The following RCSD1 variants were observed in gnomAD, a reference collection of about 807,000 sequenced individuals.
The protein encoded by RCSD1 is capZ-interacting protein.
A neutral mutation model predicts 42.5 loss-of-function variants in RCSD1; 26 were observed. The observed-to-expected ratio is 0.61, with a 90% CI of 0.45 to 0.85. The LOEUF (loss-of-function observed/expected upper bound fraction) is 0.85, where lower values mean the gene tolerates loss of function less well. RCSD1 is among the 40% of genes least tolerant of loss of function. RCSD1 has a pLI of 0.00. For synonymous variants in RCSD1, 220 were observed against 212.2 expected (o/e 1.04, Z -0.32); for missense variants, 571 against 528.3 (o/e 1.08, Z -0.79).
Position 167,697,607 on chromosome 1 carries a change from G to A in RCSD1, c.983G>A (p.Gly328Glu). ...KGERVQNEEV[G>E]PEHDSQETKK... The stretch of plus-strand genomic sequence containing the variant: ...GAGAGGGTGCAAAATGAAGAGGTGG[G>A]ACCTGAACATGACAGCCAAGAAACA... Residue 328 changes from glycine (G) to glutamate (E), a missense_variant, in exon 6 of 7, where the codon GGA becomes GAA. Transcript: ENST00000367854. 1 of 1,607,700 alleles carries A rather than the reference G, an allele frequency of 6.2e-7. No individual in the cohort carries two copies. Among genetic ancestry groups the A allele is most frequent in the Non-Finnish European group, 8.5e-7 (1 of 1,177,226 alleles).
chr1:167,644,621 G>C (rs1202478169), intron 1 of RCSD1, among the ~76,000 whole-genome samples: 1 of 152,174 alleles, frequency 6.6e-6, no homozygotes, highest in East Asian at 1.9e-4. Flanking sequence ...CGAGGAGGTA[G>C]GAAATGGGAA....
chr1:167,702,272 C>A (rs138874426), intron 6 of RCSD1, among the ~76,000 whole-genome samples: 2 of 152,174 alleles, frequency 1.3e-5, no homozygotes, highest in Admixed American at 6.5e-5. Flanking sequence ...AGGCATCAGA[C>A]GTGTGAAAGC....
At chr1:167,669,899 G>A (rs1220775740) in intron 1 of RCSD1, among the ~76,000 whole-genome samples, 1 of 152,158 alleles carries the variant, frequency 6.6e-6, no homozygotes, top group African/African-American at 2.4e-5. Flanking sequence ...ACCGGGGGCT[G>A]GGTCCTTAGG....
intron 1 of RCSD1, among the ~76,000 whole-genome samples, chr1:167,634,330 AG>A (rs1657776864): frequency 6.6e-6 from 1 of 152,194 alleles, no homozygotes; most frequent in South Asian, 2.1e-4. Context: ...ATGGGCACCA[AG>A]AAAGGCTTGT....
At chr1:167,684,623 T>G (rs1353974126) in intron 2 of RCSD1, among the ~76,000 whole-genome samples, 2 of 151,930 alleles carry the variant, frequency 1.3e-5, no homozygotes, top group African/African-American at 4.8e-5. Flanking sequence ...GCCTGTAATT[T>G]CAGCACTTTG....
intron 1 of RCSD1, among the ~76,000 whole-genome samples, chr1:167,631,386 A>C (rs1055970684): frequency 6.6e-6 from 1 of 152,256 alleles, no homozygotes; most frequent in Non-Finnish European, 1.5e-5. Flanking sequence ...AAAAGGAAAC[A>C]TGTGTTGCTC....
At chr1:167,659,734 C>A (rs1035908643) in intron 1 of RCSD1, among the ~76,000 whole-genome samples, 1 of 152,092 alleles carries the variant, frequency 6.6e-6, no homozygotes, top group Non-Finnish European at 1.5e-5. Flanking sequence ...CCCTTGTCAG[C>A]CCCCTCCCCC....
In RCSD1 at chr1:167,694,210, C is replaced by A. The variant is rs201288650; in HGVS notation, c.382C>A (p.Pro128Thr). The A allele has an allele frequency of 3.5e-5, 57 of 1,614,204 alleles. No homozygotes were observed. In the East Asian group the frequency reaches 1.2e-3, roughly 35 times the overall value. ...FHSPPSTPSS[P>T]GVRSRPSEAE... ...CAGCCCACCTTCTACCCCCAGCAGC[C>A]CTGGTGTGCGATCTAGGCCCAGCGA... Residue 128 changes from proline (P) to threonine (T), a missense_variant, in exon 5 of 7, where the codon CCT becomes ACT. By Grantham distance (38) the Pro-to-Thr change is conservative. Transcript: ENST00000367854.
intron 1 of RCSD1, among the ~76,000 whole-genome samples, chr1:167,681,054 G>A (rs1184007275): frequency 6.6e-6 from 1 of 152,262 alleles, no homozygotes. Flanking sequence ...ATCCAGGCAA[G>A]GCATCAAACA....
chr1:167,696,729 T>A (rs1025727761), intron 5 of RCSD1, among the ~76,000 whole-genome samples: 2 of 152,144 alleles, frequency 1.3e-5, no homozygotes, highest in Non-Finnish European at 2.9e-5. Flanking sequence ...CTGGATTACA[T>A]GTGTGAGCCA....
intron 1 of RCSD1, among the ~76,000 whole-genome samples, chr1:167,652,203 G>A (rs1403484424): frequency 1.3e-5 from 2 of 151,964 alleles, no homozygotes; most frequent in South Asian, 4.1e-4. Context: ...TGTATTTTTA[G>A]TAGAGACGGG....
At chr1:167,696,418 T>G (rs1370981364) in intron 5 of RCSD1, among the ~76,000 whole-genome samples, 1 of 152,020 alleles carries the variant, frequency 6.6e-6, no homozygotes, top group African/African-American at 2.4e-5. Context: ...CAAACAGCAT[T>G]TGAAGAACTG....
chr1:167,691,136 C>T (rs1406990179), intron 4 of RCSD1, among the ~76,000 whole-genome samples: 2 of 152,182 alleles, frequency 1.3e-5, no homozygotes, highest in Admixed American at 6.5e-5. Flanking sequence ...GGGGCTGTCT[C>T]GTGCACGGCA....
chr1:167,647,074 G>A (rs1658174525), intron 1 of RCSD1, among the ~76,000 whole-genome samples: 1 of 136,502 alleles, frequency 7.3e-6, no homozygotes, highest in Non-Finnish European at 1.5e-5. Context: ...AGGTTGCAGT[G>A]AGCCGAGATC....
chr1:167,707,294 G>A lies in RCSD1; in HGVS notation c.*2598G>A, dbSNP rs563993620. ...TTAACTACATGTTCAATAAATAAATGTCAAAGAAATAAATGCGTGAAAAGG... is the reference window on the plus strand; with the variant it reads ...TTAACTACATGTTCAATAAATAAATATCAAAGAAATAAATGCGTGAAAAGG... On this transcript the variant is annotated 3_prime_UTR_variant, in exon 7 of 7. Transcript: ENST00000367854. 1.3e-5 allele frequency among the ~76,000 whole-genome samples: 2 copies of A among 152,282 alleles called. No individual in the cohort carries two copies. Among genetic ancestry groups the A allele is most frequent in the South Asian group, 4.1e-4 (2 of 4,828 alleles).
At chr1:167,677,881 A>T in intron 1 of RCSD1, among the ~76,000 whole-genome samples, 1 of 152,226 alleles carries the variant, frequency 6.6e-6, no homozygotes, top group East Asian at 1.9e-4. Flanking sequence ...GGGAAAAATT[A>T]TGAGGGGGGT....
At position 167,664,587 on chromosome 1, in the gene RCSD1, G is replaced by A. The variant is rs576191083; in HGVS notation, c.7-19313G>A. 8 of 152,272 alleles carry A rather than the reference G, an allele frequency of 5.3e-5. No individual in the cohort carries two copies. In the South Asian group the frequency reaches 1.2e-3, roughly 24 times the overall value. 9.4% of individuals were successfully genotyped at this position (152,272 alleles called of 1,614,324 possible). The stretch of plus-strand genomic sequence containing the variant: ...TATACAGTCATATAGCCACCACCAC[G>A]AGATGTAGACCATGATCAAGGTATA... On this transcript the variant is annotated intron_variant, in intron 1 of 6. Transcript: ENST00000367854.
chr1:167,645,508 G>A (rs742472), intron 1 of RCSD1, among the ~76,000 whole-genome samples: 21,849 of 152,176 alleles, frequency 0.14, 2,024 homozygotes, highest in Non-Finnish European at 0.19. Context: ...CGAGGCTGGG[G>A]AATTTCACAG....
At chr1:167,651,076 A>G (rs1299253210) in intron 1 of RCSD1, among the ~76,000 whole-genome samples, 1 of 151,964 alleles carries the variant, frequency 6.6e-6, no homozygotes, top group East Asian at 1.9e-4. Context: ...ATCTCTTCTC[A>G]TAAGGACACC....
Sources: allele counts gnomAD v4.1 joint callset (sites outside exome capture counted in the v4.1 genomes callset), GRCh38; gene constraint gnomAD v4.1.1; transcripts MANE v1.5; gene names NCBI Gene and HGNC (gene_info 2026-07-23, HGNC 2026-07-21).